VAC14: variants seen among roughly 807,000 people sequenced by gnomAD.
VAC14 encodes VAC14 component of PIKFYVE complex.
A neutral mutation model predicts 85.3 loss-of-function variants in VAC14; 47 were observed. That is an observed-to-expected ratio of 0.55 (90% CI 0.44 to 0.70). The LOEUF is 0.70. Ranked by LOEUF, VAC14 falls within the 30% of genes least tolerant of loss-of-function variation. The probability of loss-of-function intolerance (pLI) is 0.00; values close to 1 mark genes in which losing one functional copy is unlikely to be tolerated. For missense variants in VAC14, 861 were observed against 1,004.3 expected (o/e 0.86, Z 1.93); for synonymous variants, 447 against 430.5 (o/e 1.04, Z -0.47).
chr16:70,788,399 C>A (rs2034169410), intron 1 of VAC14, among the ~76,000 whole-genome samples: 1 of 152,214 alleles, frequency 6.6e-6, no homozygotes, highest in African/African-American at 2.4e-5. Flanking sequence ...GAGATGGATG[C>A]TTCAGGAAGG....
intron 13 of VAC14, among the ~76,000 whole-genome samples, chr16:70,741,981 C>T (rs2030362710): frequency 1.3e-5 from 2 of 152,234 alleles, no homozygotes; most frequent in African/African-American, 4.8e-5. Context: ...CGTCCTACTC[C>T]CTCCGGCCCA....
At chr16:70,693,353 G>A (rs576705314) in intron 17 of VAC14, among the ~76,000 whole-genome samples, 18 of 152,352 alleles carry the variant, frequency 1.2e-4, no homozygotes, top group Non-Finnish European at 2.1e-4. Context: ...ACGAGGGCTC[G>A]GGGCCTGTAG....
rs375604517 is a variant in VAC14, at chr16:70,786,286, G to A, written c.184C>T (p.Leu62=). Residue 62 remains leucine, a synonymous_variant, in exon 2 of 19, where the codon CTG becomes TTG. Transcript: ENST00000261776. ...VIQTLSQEFA[L]SQHPHSRKGG... Reference sequence around the variant, plus strand: ...TTCCGGCTGTGGGGGTGCTGAGACAGGGCAAACTCCTGGGACAGGGTCTGG... The same window carrying A: ...TTCCGGCTGTGGGGGTGCTGAGACAAGGCAAACTCCTGGGACAGGGTCTGG... 63 of 1,614,110 alleles carry A rather than the reference G, an allele frequency of 3.9e-5. 1 individual carries two copies. Among genetic ancestry groups the A allele is most frequent in the Non-Finnish European group, 5.2e-5 (61 of 1,180,044 alleles).
intron 18 of VAC14, chr16:70,690,835 A>G: frequency 1.0e-6 from 1 of 985,330 alleles, no homozygotes; most frequent in South Asian, 4.7e-5. Flanking sequence ...GCCCCTATCT[A>G]TGGTATCTCT....
intron 17 of VAC14, among the ~76,000 whole-genome samples, chr16:70,693,424 T>G (rs1050293200): frequency 2.6e-5 from 4 of 152,106 alleles, no homozygotes; most frequent in Non-Finnish European, 5.9e-5. Context: ...AAATAGGGTG[T>G]GCTGGAGAGA....
chr16:70,748,929 T>A (rs1315886570), intron 12 of VAC14, among the ~76,000 whole-genome samples: 1 of 152,026 alleles, frequency 6.6e-6, no homozygotes, highest in Non-Finnish European at 1.5e-5. Context: ...AGAGTGAGAC[T>A]CTGTCTCAAA....
At chr16:70,742,744 C>A (rs1469668163) in intron 13 of VAC14, among the ~76,000 whole-genome samples, 1 of 152,266 alleles carries the variant, frequency 6.6e-6, no homozygotes, top group African/African-American at 2.4e-5. Context: ...GCGCCTCCCA[C>A]TGAGGCCAAG....
intron 14 of VAC14, among the ~76,000 whole-genome samples, chr16:70,712,643 A>C (rs1202285402): frequency 6.6e-6 from 1 of 152,210 alleles, no homozygotes; most frequent in Non-Finnish European, 1.5e-5. Context: ...ACCGAGCCTC[A>C]TGCTGATAAA....
chr16:70,718,258 T>C (rs1041847157), intron 14 of VAC14, among the ~76,000 whole-genome samples: 1 of 152,192 alleles, frequency 6.6e-6, no homozygotes, highest in Non-Finnish European at 1.5e-5. Context: ...ATGATCCCCG[T>C]CTGCATTTCT....
chr16:70,695,651 C>G, intron 16 of VAC14, 28 bp from the exon 17 acceptor site: 1 of 1,607,926 alleles, frequency 6.2e-7, no homozygotes, highest in Non-Finnish European at 8.5e-7. Flanking sequence ...GAAAGTCTGT[C>G]TGCTGGGCCA....
At chr16:70,759,490 T>C (rs2032141717) in intron 12 of VAC14, among the ~76,000 whole-genome samples, 1 of 152,024 alleles carries the variant, frequency 6.6e-6, no homozygotes, top group African/African-American at 2.4e-5. Flanking sequence ...TAGTCAGGTG[T>C]GGTGGTACAT....
intron 9 of VAC14, among the ~76,000 whole-genome samples, chr16:70,779,505 A>C (rs1365033474): frequency 6.6e-6 from 1 of 152,096 alleles, no homozygotes; most frequent in Non-Finnish European, 1.5e-5. Flanking sequence ...TTCTTTTACC[A>C]CTGGTTGATT....
intron 1 of VAC14, among the ~76,000 whole-genome samples, chr16:70,791,591 G>A (rs1042389163): frequency 4.6e-5 from 7 of 152,100 alleles, no homozygotes; most frequent in Admixed American, 4.6e-4. Context: ...TCACCATGTT[G>A]GCCAGGCTGG....
intron 1 of VAC14, among the ~76,000 whole-genome samples, chr16:70,788,682 C>T (rs969711111): frequency 1.3e-5 from 2 of 152,240 alleles, no homozygotes; most frequent in Admixed American, 1.3e-4. Context: ...GATGCTCTAC[C>T]AAACAGCTGG....
chr16:70,712,788 T>C (rs931557457), intron 14 of VAC14, among the ~76,000 whole-genome samples: 2 of 152,216 alleles, frequency 1.3e-5, no homozygotes, highest in Non-Finnish European at 2.9e-5. Context: ...GTTTTTATTG[T>C]ATGTGGTTTA....
At chr16:70,772,269 C>T in intron 9 of VAC14, 97 bp from the exon 10 acceptor site, 1 of 1,050,776 alleles carries the variant, frequency 9.5e-7, no homozygotes, top group Non-Finnish European at 1.5e-6. Flanking sequence ...TCTCCAGAGC[C>T]CCATACCTTG....
chr16:70,745,532 CGT>C (rs1488613617), intron 12 of VAC14, among the ~76,000 whole-genome samples: 3 of 150,252 alleles, frequency 2.0e-5, no homozygotes, highest in Non-Finnish European at 3.0e-5. Context: ...CGTGTGCGCG[CGT>C]GTGCCTGTGT....
intron 13 of VAC14, among the ~76,000 whole-genome samples, chr16:70,738,325 T>C (rs762554402): frequency 6.6e-6 from 1 of 152,174 alleles, no homozygotes; most frequent in African/African-American, 2.4e-5. Flanking sequence ...GGGCAATCAC[T>C]TTCTCATCTG....
intron 14 of VAC14, among the ~76,000 whole-genome samples, chr16:70,720,815 G>C (rs547740853): frequency 2.6e-5 from 4 of 152,386 alleles, no homozygotes; most frequent in African/African-American, 9.6e-5. Flanking sequence ...TGGAGCTCAA[G>C]ACTGGGGCCG....
Sources: gnomAD v4.1 joint callset for allele counts (sites outside exome capture counted in the v4.1 genomes callset) on GRCh38, gnomAD v4.1.1 for gene constraint, MANE v1.5 for transcripts, NCBI Gene and HGNC (gene_info 2026-07-23, HGNC 2026-07-21) for gene names.